Variants in ELMO1 observed in about 807,000 individuals in gnomAD.
ELMO1 encodes engulfment and cell motility 1, also known as engulfment and cell motility protein 1.
Under a neutral mutation model 98.9 loss-of-function variants are expected in ELMO1, and 26 were observed. That is an observed-to-expected ratio of 0.26 (90% CI 0.19 to 0.36). The LOEUF is 0.36. ELMO1 is among the 10% of genes least tolerant of loss of function. The pLI is 1.00. For missense variants in ELMO1, 627 were observed against 935.2 expected (o/e 0.67, Z 4.30); for synonymous variants, 346 against 346.0 (o/e 1.00, Z 0.00).
chr7:37,241,638 T>G (rs1794769791), intron 7 of ELMO1, among the ~76,000 whole-genome samples: 1 of 152,186 alleles, frequency 6.6e-6, no homozygotes. Context: ...TAATCCCTCC[T>G]TTGTGTTTTG....
chr7:37,152,472 A>C, intron 13 of ELMO1, among the ~76,000 whole-genome samples: 1 of 150,434 alleles, frequency 6.6e-6, no homozygotes, highest in South Asian at 2.1e-4. Context: ...TGTTTTTCAA[A>C]CCTCAACAGT....
At chr7:37,183,738 C>T (rs1254282096) in intron 13 of ELMO1, among the ~76,000 whole-genome samples, 1 of 151,740 alleles carries the variant, frequency 6.6e-6, no homozygotes, top group Non-Finnish European at 1.5e-5. Context: ...TTCTCAAGGC[C>T]AAAGAGAATA....
chr7:37,078,579 C>T (rs1797705489), intron 15 of ELMO1, among the ~76,000 whole-genome samples: 1 of 152,166 alleles, frequency 6.6e-6, no homozygotes, highest in African/African-American at 2.4e-5. Flanking sequence ...GCAAATGCTT[C>T]AGCCTTTCTA....
At chr7:37,065,746 G>T (rs80114535) in intron 15 of ELMO1, among the ~76,000 whole-genome samples, 1 of 152,102 alleles carries the variant, frequency 6.6e-6, no homozygotes, top group Admixed American at 6.5e-5. Context: ...AAATGAAAAC[G>T]CTCGTGCTAG....
chr7:37,096,684 G>C lies in ELMO1; in HGVS notation c.1235C>G (p.Pro412Arg). Residue 412 changes from proline (P) to arginine (R), a missense_variant, in exon 15 of 22, where the codon CCC (proline) becomes CGC (arginine). Coordinates refer to ENST00000310758, the MANE Select transcript of ELMO1 (RefSeq NM_014800.11). Reference protein sequence around the residue: ...NSSREDKHECPFGRSSIELTK... With the variant: ...NSSREDKHECRFGRSSIELTK... ...CAGCTCTATACTACTGCGGCCAAAG[G>C]GACATTCATGCTTGTCTTCTCGACT... The C allele has an allele frequency of 6.2e-7, 1 of 1,614,106 alleles. No homozygotes were observed. Among genetic ancestry groups the C allele is most frequent in the Non-Finnish European group, 8.5e-7 (1 of 1,180,002 alleles).
At chr7:37,284,685 G>C (rs1797302757) in intron 4 of ELMO1, among the ~76,000 whole-genome samples, 1 of 151,940 alleles carries the variant, frequency 6.6e-6, no homozygotes, top group Non-Finnish European at 1.5e-5. Context: ...TAAGGCCTTT[G>C]AAATGTTCAA....
At chr7:37,062,038 T>G (rs1218346589) in intron 15 of ELMO1, among the ~76,000 whole-genome samples, 1 of 152,232 alleles carries the variant, frequency 6.6e-6, no homozygotes, top group Non-Finnish European at 1.5e-5. Context: ...CTAGTTGACA[T>G]AGCAGCATCC....
intron 15 of ELMO1, among the ~76,000 whole-genome samples, chr7:37,049,092 C>T (rs1795958480): frequency 6.6e-6 from 1 of 152,148 alleles, no homozygotes; most frequent in Non-Finnish European, 1.5e-5. Context: ...TGTCTTCCCA[C>T]TGGAATGGGA....
At chr7:36,931,526 G>A (rs1176953821) in intron 16 of ELMO1, among the ~76,000 whole-genome samples, 41 of 152,176 alleles carry the variant, frequency 2.7e-4, no homozygotes, top group African/African-American at 5.1e-4. Flanking sequence ...TCTTGAACCC[G>A]GGAGGCGGAG....
intron 4 of ELMO1, among the ~76,000 whole-genome samples, chr7:37,292,404 C>G (rs1337438353): frequency 1.4e-5 from 1 of 73,758 alleles, no homozygotes; most frequent in African/African-American, 3.5e-5. Flanking sequence ...TCCGCCTGGC[C>G]GCCCATCATC....
In ELMO1 at chr7:36,853,067, A is replaced by G. The variant is rs1801961948; in HGVS notation, c.*2484T>C. On this transcript the variant is annotated 3_prime_UTR_variant, in exon 22 of 22. Transcript: ENST00000310758. Reference sequence around the variant, plus strand: ...CAACAGGAGATGAGTTGGAGGTGGTAGGCTCATTGCATGGGAAAAAAAGCC... The same window carrying G: ...CAACAGGAGATGAGTTGGAGGTGGTGGGCTCATTGCATGGGAAAAAAAGCC... 6.6e-6 allele frequency among the ~76,000 whole-genome samples: 1 copy of G among 152,154 alleles called. No homozygotes were observed. Among genetic ancestry groups the G allele is most frequent in the South Asian group, 2.1e-4 (1 of 4,826 alleles).
At chr7:37,422,243 T>C (rs923051895) in intron 1 of ELMO1, among the ~76,000 whole-genome samples, 1 of 152,210 alleles carries the variant, frequency 6.6e-6, no homozygotes, top group African/African-American at 2.4e-5. Flanking sequence ...ATTATATGCA[T>C]AGCATCGAGG....
At chr7:37,168,712 G>A (rs1215594561) in intron 13 of ELMO1, among the ~76,000 whole-genome samples, 1 of 152,146 alleles carries the variant, frequency 6.6e-6, no homozygotes, top group African/African-American at 2.4e-5. Context: ...TGTCTCAGAG[G>A]AGTACCCTGC....
chr7:37,390,492 C>T (rs992972380), intron 1 of ELMO1, among the ~76,000 whole-genome samples: 5 of 151,994 alleles, frequency 3.3e-5, no homozygotes, highest in African/African-American at 9.7e-5. Context: ...CGCACAGAGG[C>T]CCAGGGACAG....
intron 13 of ELMO1, among the ~76,000 whole-genome samples, chr7:37,149,477 A>C (rs1024572487): frequency 6.6e-6 from 1 of 151,564 alleles, no homozygotes; most frequent in Non-Finnish European, 1.5e-5. Context: ...TTACATTTTT[A>C]AATAGTTTTT....
intron 14 of ELMO1, among the ~76,000 whole-genome samples, chr7:37,130,865 C>G (rs1241455559): frequency 6.6e-6 from 1 of 151,596 alleles, no homozygotes; most frequent in Non-Finnish European, 1.5e-5. Flanking sequence ...AAGCATTTAT[C>G]AAATGAAAGA....
At chr7:36,919,441 T>C (rs1467206380) in intron 16 of ELMO1, 2 of 521,944 alleles carry the variant, frequency 3.8e-6, no homozygotes, top group South Asian at 2.8e-5. Flanking sequence ...CATAGTAAAC[T>C]AGGAAGAATG....
At chr7:37,066,175 G>A (rs1012400968) in intron 15 of ELMO1, among the ~76,000 whole-genome samples, 16 of 152,112 alleles carry the variant, frequency 1.1e-4, no homozygotes, top group African/African-American at 3.9e-4. Context: ...ACCCAGTCTC[G>A]GGCATGTCTC....
chr7:37,275,144 A>C (rs1388499765), intron 4 of ELMO1, among the ~76,000 whole-genome samples: 2 of 152,214 alleles, frequency 1.3e-5, no homozygotes, highest in Non-Finnish European at 2.9e-5. Context: ...CAGGCCTTGC[A>C]TTTACCCTCA....
Sources: gnomAD v4.1 joint callset for allele counts (sites outside exome capture counted in the v4.1 genomes callset) on GRCh38, gnomAD v4.1.1 for gene constraint, MANE v1.5 for transcripts, NCBI Gene and HGNC (gene_info 2026-07-23, HGNC 2026-07-21) for gene names.